B3GALT1: variants seen among roughly 807,000 people sequenced by gnomAD.
B3GALT1 encodes beta-1,3-galactosyltransferase 1, also known as UDP-Gal:betaGlcNAc beta 1,3-galactosyltransferase, polypeptide 1.
In B3GALT1, 10 loss-of-function variants were observed where a neutral mutation model predicts 23.2. The observed-to-expected ratio is 0.43, with a 90% CI of 0.27 to 0.73. The LOEUF (loss-of-function observed/expected upper bound fraction) is 0.73, where lower values mean the gene tolerates loss of function less well. Ranked by LOEUF, B3GALT1 falls within the 30% of genes least tolerant of loss-of-function variation. The probability of loss-of-function intolerance (pLI) is 0.21; values close to 1 mark genes in which losing one functional copy is unlikely to be tolerated. For missense variants in B3GALT1, 299 were observed against 405.4 expected, an observed-to-expected ratio of 0.74 and a Z score of 2.25; for synonymous variants, 156 against 141.5, an observed-to-expected ratio of 1.10 and a Z score of -0.73.
intron 3 of B3GALT1, among the ~76,000 whole-genome samples, chr2:167,703,392 G>A (rs1053728368): frequency 6.6e-6 from 1 of 152,176 alleles, no homozygotes; most frequent in African/African-American, 2.4e-5. Flanking sequence ...TAGGAGTTTG[G>A]TGTATGAGCC....
intron 1 of B3GALT1, among the ~76,000 whole-genome samples, chr2:167,455,076 G>GT (rs1365385860): frequency 6.6e-6 from 1 of 152,152 alleles, no homozygotes; most frequent in East Asian, 1.9e-4. Context: ...TTCCATGTAC[G>GT]TAAGTTCAAC....
chr2:167,836,235 C>G (rs1424185091), intron 4 of B3GALT1, among the ~76,000 whole-genome samples: 2 of 152,060 alleles, frequency 1.3e-5, no homozygotes, highest in Non-Finnish European at 2.9e-5. Context: ...CTACAAGCTA[C>G]AGGAGGAAAT....
At chr2:167,863,212 G>C (rs1226429350) in intron 4 of B3GALT1, among the ~76,000 whole-genome samples, 2 of 151,584 alleles carry the variant, frequency 1.3e-5, no homozygotes, top group African/African-American at 2.4e-5. Flanking sequence ...GAGTTTTCCA[G>C]GAAGGAGACA....
At position 167,853,470 on chromosome 2, in the gene B3GALT1, T is replaced by G. The variant is rs79976753; in HGVS notation, c.-229-15341T>G. Among the ~76,000 whole-genome samples the G allele has an allele frequency of 7.7e-4, 117 of 152,306 alleles. No individual in the cohort carries two copies. The East Asian group carries it at 0.022, about 29-fold the overall frequency. Reference sequence around the variant, plus strand: ...TTGTAGTATCATACAAGTGGTACCATTCATGATTCCTTATTTTTTCCCATA... The same window carrying G: ...TTGTAGTATCATACAAGTGGTACCAGTCATGATTCCTTATTTTTTCCCATA... On this transcript the variant is annotated intron_variant, in intron 4 of 4. Coordinates refer to ENST00000392690, the MANE Select transcript of B3GALT1 (RefSeq NM_020981.4).
chr2:167,333,890 T>G (rs901352535), intron 1 of B3GALT1, among the ~76,000 whole-genome samples: 5 of 152,100 alleles, frequency 3.3e-5, no homozygotes, highest in Admixed American at 3.3e-4. Flanking sequence ...TCTCAGAGTA[T>G]TGTTTGGTGG....
chr2:167,672,569 G>T (rs1030977486), intron 3 of B3GALT1, among the ~76,000 whole-genome samples: 6 of 152,130 alleles, frequency 3.9e-5, no homozygotes, highest in African/African-American at 1.2e-4. Context: ...CTGGGGTGAA[G>T]CCAGCTTTGC....
At chr2:167,841,343 C>T (rs1274109461) in intron 4 of B3GALT1, among the ~76,000 whole-genome samples, 1 of 152,138 alleles carries the variant, frequency 6.6e-6, no homozygotes, top group Admixed American at 6.5e-5. Flanking sequence ...GGAAGGTGGA[C>T]TTTCTGGTTC....
At chr2:167,442,298 A>T (rs1191598265) in intron 1 of B3GALT1, among the ~76,000 whole-genome samples, 3 of 152,026 alleles carry the variant, frequency 2.0e-5, no homozygotes, top group East Asian at 1.9e-4. Flanking sequence ...TTTGGGTTGG[A>T]TCCAAGTCTT....
intron 2 of B3GALT1, among the ~76,000 whole-genome samples, chr2:167,641,348 C>G (rs1685649780): frequency 6.6e-6 from 1 of 152,154 alleles, no homozygotes; most frequent in Non-Finnish European, 1.5e-5. Flanking sequence ...TGAAACAGCT[C>G]TGTTGAAGGC....
intron 1 of B3GALT1, among the ~76,000 whole-genome samples, chr2:167,317,987 T>C (rs1415516668): frequency 2.0e-5 from 3 of 152,048 alleles, no homozygotes; most frequent in South Asian, 2.1e-4. Flanking sequence ...AAAATAATTA[T>C]CCCATGTGAC....
In B3GALT1 at chr2:167,664,074, G is replaced by C. The variant is rs1373507955; in HGVS notation, c.-352+17108G>C. 3.4e-4 allele frequency among the ~76,000 whole-genome samples: 51 copies of C among 150,886 alleles called. 1 individual carries two copies. The highest frequency in any genetic ancestry group is 6.9e-4 in the African/African-American group (28 of 40,528). The stretch of plus-strand genomic sequence containing the variant: ...TGAATGGTAATGCCTAGGTTTTCTT[G>C]TAGGGTTTTTATGGTTTTAGGTCTA... On this transcript the variant is annotated intron_variant, in intron 3 of 4. Transcript: ENST00000392690.
intron 1 of B3GALT1, among the ~76,000 whole-genome samples, chr2:167,382,600 C>T (rs1481322117): frequency 6.6e-6 from 1 of 152,114 alleles, no homozygotes; most frequent in Non-Finnish European, 1.5e-5. Flanking sequence ...AAAAAACAAC[C>T]ACTTTTAGAA....
At chr2:167,624,717 G>A (rs1187579803) in intron 2 of B3GALT1, among the ~76,000 whole-genome samples, 2 of 152,038 alleles carry the variant, frequency 1.3e-5, no homozygotes, top group Admixed American at 6.6e-5. Context: ...GGTTTGCCAT[G>A]TGAAAGGAGG....
intron 3 of B3GALT1, among the ~76,000 whole-genome samples, chr2:167,782,633 C>G (rs1688265457): frequency 6.6e-6 from 1 of 152,208 alleles, no homozygotes; most frequent in Non-Finnish European, 1.5e-5. Flanking sequence ...TTTATCTCAG[C>G]TATTCCATAA....
In B3GALT1 at chr2:167,872,088, G is replaced by C. The variant is rs1393646135; in HGVS notation, c.*2068G>C. The C allele has an allele frequency of 6.6e-6, 1 of 150,980 alleles. No individual in the cohort carries two copies. Among genetic ancestry groups the C allele is most frequent in the East Asian group, 2.0e-4 (1 of 5,120 alleles). 9.4% of individuals were successfully genotyped at this position (150,980 alleles called of 1,614,324 possible). On this transcript the variant is annotated 3_prime_UTR_variant, in exon 5 of 5. Transcript: ENST00000392690. ...GGCTAATTTTTTTGTATTTTTAGTAGAGACGGGGTTTCACCGTGTTAGCCA... is the reference window on the plus strand; with the variant it reads ...GGCTAATTTTTTTGTATTTTTAGTACAGACGGGGTTTCACCGTGTTAGCCA...
At chr2:167,493,760 G>T (rs1021963193) in intron 2 of B3GALT1, among the ~76,000 whole-genome samples, 2 of 152,136 alleles carry the variant, frequency 1.3e-5, no homozygotes, top group East Asian at 3.9e-4. Context: ...TGATGACATG[G>T]TATATGGAAT....
At chr2:167,775,180 T>A (rs1259804543) in intron 3 of B3GALT1, among the ~76,000 whole-genome samples, 2 of 152,224 alleles carry the variant, frequency 1.3e-5, no homozygotes, top group African/African-American at 2.4e-5. Context: ...CAGACAAAAC[T>A]TTTAAGCTAG....
At chr2:167,663,282 C>T (rs1686104664) in intron 3 of B3GALT1, among the ~76,000 whole-genome samples, 1 of 152,078 alleles carries the variant, frequency 6.6e-6, no homozygotes, top group South Asian at 2.1e-4. Context: ...CTACAAAGGA[C>T]ATTAACTCAT....
At chr2:167,563,921 C>T (rs1313962901) in intron 2 of B3GALT1, among the ~76,000 whole-genome samples, 1 of 104,892 alleles carries the variant, frequency 9.5e-6, no homozygotes, top group Non-Finnish European at 1.9e-5. Context: ...CCCCCACCTC[C>T]CTCCCAGACG....
Sources: allele counts gnomAD v4.1 joint callset (sites outside exome capture counted in the v4.1 genomes callset), GRCh38; gene constraint gnomAD v4.1.1; transcripts MANE v1.5; gene names NCBI Gene and HGNC (gene_info 2026-07-23, HGNC 2026-07-21).